FBXL7: variants seen among roughly 807,000 people sequenced by gnomAD.
FBXL7 encodes F-box and leucine rich repeat protein 7.
In FBXL7, 12 loss-of-function variants were observed where a neutral mutation model predicts 38.3. The ratio of observed to expected loss-of-function variants is 0.31; its 90% CI spans 0.20 to 0.51. The LOEUF (loss-of-function observed/expected upper bound fraction) is 0.51, where lower values mean the gene tolerates loss of function less well. Among genes scored for constraint, FBXL7 ranks in the 20% least tolerant of loss-of-function variants. The probability of loss-of-function intolerance (pLI) is 0.98; values close to 1 mark genes in which losing one functional copy is unlikely to be tolerated. For missense variants in FBXL7, 567 were observed against 676.4 expected, an observed-to-expected ratio of 0.84 and a Z score of 1.79; for synonymous variants, 297 against 300.9, an observed-to-expected ratio of 0.99 and a Z score of 0.13.
intron 1 of FBXL7, among the ~76,000 whole-genome samples, chr5:15,527,271 A>G (rs1737276760): frequency 6.6e-6 from 1 of 152,230 alleles, no homozygotes; most frequent in African/African-American, 2.4e-5. Flanking sequence ...CCCTACATTT[A>G]ATTATTATAG....
intron 2 of FBXL7, among the ~76,000 whole-genome samples, chr5:15,844,514 G>C (rs1476090543): frequency 6.6e-6 from 1 of 152,216 alleles, no homozygotes; most frequent in Non-Finnish European, 1.5e-5. Flanking sequence ...AAACCAGGTG[G>C]GGTGGCCAGG....
At chr5:15,814,512 A>T (rs937973498) in intron 2 of FBXL7, among the ~76,000 whole-genome samples, 1 of 152,074 alleles carries the variant, frequency 6.6e-6, no homozygotes, top group African/African-American at 2.4e-5. Flanking sequence ...CCACCATGGC[A>T]CATGTATACC....
At chr5:15,771,769 G>T (rs996387171) in intron 2 of FBXL7, among the ~76,000 whole-genome samples, 3 of 126,360 alleles carry the variant, frequency 2.4e-5, no homozygotes, top group Admixed American at 9.4e-5. Context: ...AGGATTAACA[G>T]ATTTTTTTTT....
chr5:15,701,939 A>G (rs1187076490), intron 2 of FBXL7, among the ~76,000 whole-genome samples: 1 of 152,162 alleles, frequency 6.6e-6, no homozygotes, highest in Non-Finnish European at 1.5e-5. Flanking sequence ...AGCTAAGTGA[A>G]TGAAGAAACA....
chr5:15,785,642 G>A (rs1036374500), intron 2 of FBXL7, among the ~76,000 whole-genome samples: 2 of 152,196 alleles, frequency 1.3e-5, no homozygotes, highest in South Asian at 4.1e-4. Context: ...AATATTAAAA[G>A]TCACATGTGT....
intron 2 of FBXL7, among the ~76,000 whole-genome samples, chr5:15,665,523 C>G (rs1447238265): frequency 6.6e-6 from 1 of 152,148 alleles, no homozygotes; most frequent in Non-Finnish European, 1.5e-5. Flanking sequence ...TTGGCTTTCT[C>G]TCATCACCAA....
At position 15,931,696 on chromosome 5, in the gene FBXL7, A is replaced by G. The variant is rs576421321; in HGVS notation, c.739+3195A>G. ...GGTGCAAATTTCATCTCTTTCCTGCATACACGCAATGCTCCCTTCTGTAGA... is the reference window on the plus strand; with the variant it reads ...GGTGCAAATTTCATCTCTTTCCTGCGTACACGCAATGCTCCCTTCTGTAGA... On this transcript the variant is annotated intron_variant, in intron 3 of 3. Coordinates refer to ENST00000504595, the MANE Select transcript of FBXL7 (RefSeq NM_012304.5). Among the ~76,000 whole-genome samples the G allele has an allele frequency of 5.3e-5, 8 of 152,346 alleles. No homozygotes were observed. In the South Asian group the frequency reaches 1.4e-3, roughly 28 times the overall value.
At chr5:15,930,207 C>T (rs1742002672) in intron 3 of FBXL7, among the ~76,000 whole-genome samples, 1 of 152,138 alleles carries the variant, frequency 6.6e-6, no homozygotes, top group African/African-American at 2.4e-5. Context: ...TACATTTTTC[C>T]TCCAAGGAAT....
At chr5:15,571,417 T>C (rs1738777509) in intron 1 of FBXL7, among the ~76,000 whole-genome samples, 1 of 152,100 alleles carries the variant, frequency 6.6e-6, no homozygotes, top group South Asian at 2.1e-4. Flanking sequence ...AGATGTAGGA[T>C]GTGAAAAGAT....
intron 1 of FBXL7, among the ~76,000 whole-genome samples, chr5:15,612,929 A>G (rs923764179): frequency 2.6e-5 from 4 of 152,186 alleles, no homozygotes; most frequent in Non-Finnish European, 5.9e-5. Context: ...AACATCATCA[A>G]TCATGTTAAA....
chr5:15,571,642 C>T (rs1738785532), intron 1 of FBXL7, among the ~76,000 whole-genome samples: 1 of 152,050 alleles, frequency 6.6e-6, no homozygotes. Context: ...CATTGTTAAG[C>T]AGATGACATT....
intron 1 of FBXL7, among the ~76,000 whole-genome samples, chr5:15,574,339 G>A (rs529210030): frequency 6.6e-6 from 1 of 152,244 alleles, no homozygotes; most frequent in African/African-American, 2.4e-5. Context: ...TAATTTACCA[G>A]GTTCTATAAA....
At chr5:15,853,998 T>C (rs1167367678) in intron 2 of FBXL7, among the ~76,000 whole-genome samples, 1 of 152,204 alleles carries the variant, frequency 6.6e-6, no homozygotes, top group Non-Finnish European at 1.5e-5. Context: ...CATCAACATC[T>C]ACAAAGGTCC....
intron 2 of FBXL7, among the ~76,000 whole-genome samples, chr5:15,906,672 C>T (rs1193593103): frequency 3.0e-5 from 3 of 100,044 alleles, no homozygotes; most frequent in African/African-American, 4.0e-5. Context: ...CCCCCTCCCC[C>T]GACCCCACCA....
chr5:15,880,909 A>G (rs1044098195), intron 2 of FBXL7, among the ~76,000 whole-genome samples: 1 of 151,676 alleles, frequency 6.6e-6, no homozygotes, highest in Non-Finnish European at 1.5e-5. Flanking sequence ...TTTAAGCTTT[A>G]TTATTCTATG....
intron 1 of FBXL7, among the ~76,000 whole-genome samples, chr5:15,613,986 T>C (rs1740352630): frequency 6.6e-6 from 1 of 152,118 alleles, no homozygotes; most frequent in Non-Finnish European, 1.5e-5. Flanking sequence ...CTCTGTGGGA[T>C]GTCTCATAAG....
At chr5:15,517,302 C>T (rs1736970344) in intron 1 of FBXL7, among the ~76,000 whole-genome samples, 1 of 152,150 alleles carries the variant, frequency 6.6e-6, no homozygotes, top group Non-Finnish European at 1.5e-5. Flanking sequence ...AAGGGGCCCA[C>T]AGTCTGGTGG....
rs1742189052 is a variant in FBXL7 at position 15,936,466 on chromosome 5, C to A, written c.756C>A (p.Thr252=). 6.2e-7 allele frequency: 1 copy of A among 1,612,978 alleles called. No homozygotes were observed. The highest frequency in any genetic ancestry group is 8.5e-7 in the Non-Finnish European group (1 of 1,179,810). Residue 252 remains threonine, a synonymous_variant, in exon 4 of 4, where the codon ACC becomes ACA. Transcript: ENST00000504595. The surrounding 1 kb of genome is among the most constrained non-coding windows in gnomAD (Gnocchi z 6.0). ...HLDVSGCSKV[T]CISLTREASI... is the part of the protein sequence containing the mutation. ...TTTGTGCAGGATGCTCCAAAGTGAC[C>A]TGCATCAGCTTGACCCGGGAGGCCT...
Position 15,500,517 on chromosome 5 carries a change from TG to T in FBXL7, c.-158del. ...GAGGGGACGCAGCACCCCCTCCCAC[TG>T]GAGTGCGGGGACCTCTCCAGGCCGG... On this transcript the variant is annotated 5_prime_UTR_variant, in exon 1 of 4. Coordinates refer to ENST00000504595, the MANE Select transcript of FBXL7 (RefSeq NM_012304.5). 1.1e-6 allele frequency: 1 copy of T among 939,900 alleles called. No homozygotes were observed. The highest frequency in any genetic ancestry group is 1.7e-6 in the Non-Finnish European group (1 of 577,316). The allele number at this position is 939,900 out of a possible 1,614,324, so 58.2% of individuals were successfully genotyped here.
Sources: gnomAD v4.1 joint callset for allele counts (sites outside exome capture counted in the v4.1 genomes callset) on GRCh38, gnomAD v4.1.1 for gene constraint, Gnocchi (gnomAD v3.1) non-coding constraint, MANE v1.5 for transcripts, NCBI Gene and HGNC (gene_info 2026-07-23, HGNC 2026-07-21) for gene names.